COL23A1: variants seen among roughly 807,000 people sequenced by gnomAD.
COL23A1 encodes collagen alpha-1(XXIII) chain.
COL23A1 carries 97 observed loss-of-function variants against 99.3 expected under a neutral mutation model. The ratio of observed to expected loss-of-function variants is 0.98; its 90% CI spans 0.83 to 1.16. The LOEUF (loss-of-function observed/expected upper bound fraction) is 1.16, where lower values mean the gene tolerates loss of function less well. Ranked by LOEUF, COL23A1 falls within the 50% of genes most tolerant of loss-of-function variation. The pLI is 0.00. For synonymous variants in COL23A1, 320 were observed against 308.2 expected (o/e 1.04, Z -0.40); for missense variants, 762 against 757.4 (o/e 1.01, Z -0.07).
chr5:178,246,497 C>T, intron 22 of COL23A1, 44 bp from the exon 23 acceptor site: 1 of 1,541,848 alleles, frequency 6.5e-7, no homozygotes, highest in East Asian at 2.4e-5. Context: ...AGGGGTTAGA[C>T]AGACAGTAGG....
In COL23A1 at chr5:178,384,907, A is replaced by AT. The variant is rs1763588584; in HGVS notation, c.362-77989dup. Among the ~76,000 whole-genome samples the AT allele has an allele frequency of 6.6e-6, 1 of 151,938 alleles. No individual in the cohort carries two copies. Among genetic ancestry groups the AT allele is most frequent in the Non-Finnish European group, 1.5e-5 (1 of 67,960 alleles). On this transcript the variant is annotated intron_variant, in intron 2 of 28. Coordinates refer to ENST00000390654, the MANE Select transcript of COL23A1 (RefSeq NM_173465.4). The surrounding 1 kb of genome is among the most constrained non-coding windows in gnomAD (Gnocchi z 5.5). ...GAGGAAGAGCGCGGTGAGAGGTCAAATGGGTGGCGAGGCTCCCGCTCCTTC... is the reference window on the plus strand; with the variant it reads ...GAGGAAGAGCGCGGTGAGAGGTCAAATTGGGTGGCGAGGCTCCCGCTCCTTC...
At chr5:178,294,735 G>A (rs895334889) in intron 3 of COL23A1, among the ~76,000 whole-genome samples, 12 of 152,194 alleles carry the variant, frequency 7.9e-5, no homozygotes, top group African/African-American at 2.9e-4. Flanking sequence ...CCTGGGAGAG[G>A]GCAGGCTTTT....
chr5:178,523,644 A>G (rs1760144650), intron 2 of COL23A1: 1 of 152,006 alleles, frequency 6.6e-6, no homozygotes, highest in South Asian at 2.1e-4. Flanking sequence ...ATTTCCTTTC[A>G]TTTATTGCTT....
intron 2 of COL23A1, among the ~76,000 whole-genome samples, chr5:178,461,770 C>T (rs1315775208): frequency 2.0e-5 from 3 of 152,140 alleles, no homozygotes; most frequent in South Asian, 2.1e-4. Flanking sequence ...ACATGTTCTC[C>T]GTACATATTG....
At chr5:178,546,655 G>A (rs1761596587) in intron 2 of COL23A1, among the ~76,000 whole-genome samples, 2 of 152,234 alleles carry the variant, frequency 1.3e-5, no homozygotes, top group South Asian at 4.1e-4. Context: ...ACTGGGATGA[G>A]GGAACCAAAT....
At chr5:178,531,245 C>T (rs1022538397) in intron 2 of COL23A1, among the ~76,000 whole-genome samples, 3 of 152,202 alleles carry the variant, frequency 2.0e-5, no homozygotes, top group Admixed American at 6.5e-5. Flanking sequence ...ATGGAAGGGA[C>T]TGTAGAGATA....
At chr5:178,583,418 A>T (rs1305799507) in intron 1 of COL23A1, among the ~76,000 whole-genome samples, 2 of 152,046 alleles carry the variant, frequency 1.3e-5, no homozygotes, top group East Asian at 3.9e-4. Context: ...CACCACTCCA[A>T]ATTGTCCTTT....
At chr5:178,311,752 A>T (rs1758702426) in intron 2 of COL23A1, among the ~76,000 whole-genome samples, 1 of 122,404 alleles carries the variant, frequency 8.2e-6, no homozygotes, top group Non-Finnish European at 1.6e-5. Flanking sequence ...TTTTTTTGAG[A>T]CGGAGTCTCA....
intron 2 of COL23A1, among the ~76,000 whole-genome samples, chr5:178,469,106 C>T (rs556135719): frequency 1.4e-4 from 22 of 152,328 alleles, no homozygotes; most frequent in East Asian, 1.9e-4. Flanking sequence ...AAAGCTGAAC[C>T]GCATCCTGTT....
chr5:178,385,730 G>A (rs1345094615), intron 2 of COL23A1, among the ~76,000 whole-genome samples: 1 of 152,230 alleles, frequency 6.6e-6, no homozygotes, highest in Non-Finnish European at 1.5e-5. Context: ...GCAAACTGAC[G>A]TAGGAAACAC....
At position 178,255,884 on chromosome 5, in the gene COL23A1, G is replaced by A. The variant is rs756017192; in HGVS notation, c.882+469C>T. The A allele has an allele frequency of 1.2e-4, 46 of 384,948 alleles. No homozygotes were observed. Among genetic ancestry groups the A allele is most frequent in the Non-Finnish European group, 1.9e-4 (36 of 187,064 alleles). 23.8% of individuals were successfully genotyped at this position (384,948 alleles called of 1,614,324 possible). On this transcript the variant is annotated intron_variant, in intron 15 of 28. Coordinates refer to ENST00000390654, the MANE Select transcript of COL23A1 (RefSeq NM_173465.4). The surrounding 1 kb of genome is among the most constrained non-coding windows in gnomAD (Gnocchi z 4.2). ...CAGAGCCGAGGCCAGGATCCCGGAC[G>A]TCACCCTAAAGGTAAGGTATGTTGA...
rs1445784340 is a variant in COL23A1 at position 178,307,093 on chromosome 5, C to T, written c.362-174G>A. On this transcript the variant is annotated intron_variant, in intron 2 of 28. Transcript: ENST00000390654. This position sits in a 1 kb window ranked among gnomAD's most constrained non-coding sequence, Gnocchi z 4.2. ...ATGCGTGGGGAGAAACCCCTTCCTT[C>T]TGCCACTACCTCGCCTGTTCCGCCA... Among the ~76,000 whole-genome samples the T allele has an allele frequency of 2.6e-5, 4 of 152,138 alleles. No homozygotes were observed. The highest frequency in any genetic ancestry group is 2.0e-4 in the Admixed American group (3 of 15,280).
At chr5:178,242,807 C>G (rs1764479469) in intron 25 of COL23A1, among the ~76,000 whole-genome samples, 1 of 152,198 alleles carries the variant, frequency 6.6e-6, no homozygotes, top group South Asian at 2.1e-4. Flanking sequence ...CCTGCACACC[C>G]ATCTGTCCAT....
Position 178,448,093 on chromosome 5 carries a change from C to T in COL23A1, c.361+112589G>A, listed in dbSNP as rs532937156. Among the ~76,000 whole-genome samples the T allele has an allele frequency of 7.2e-5, 11 of 152,268 alleles. No homozygotes were observed. In the East Asian group the frequency reaches 9.7e-4, roughly 13 times the overall value. ...GTCATGAGGGCTCTCCCCTCGTGAA[C>T]GGGATTAGTGCTAGTCACAGTCCGT... On this transcript the variant is annotated intron_variant, in intron 2 of 28. Coordinates refer to ENST00000390654, the MANE Select transcript of COL23A1 (RefSeq NM_173465.4).
intron 2 of COL23A1, among the ~76,000 whole-genome samples, chr5:178,552,112 C>T (rs474772): frequency 0.8 from 121,349 of 152,002 alleles, 48,703 homozygotes; most frequent in Admixed American, 0.86. Context: ...CCTCCTGACC[C>T]GAAGTGATCT....
intron 2 of COL23A1, among the ~76,000 whole-genome samples, chr5:178,370,139 G>T (rs1036034870): frequency 6.6e-6 from 1 of 152,204 alleles, no homozygotes; most frequent in African/African-American, 2.4e-5. Flanking sequence ...TGTCACTTAT[G>T]CATGACCCTC....
At chr5:178,411,726 G>A (rs764282885) in intron 2 of COL23A1, among the ~76,000 whole-genome samples, 2 of 152,156 alleles carry the variant, frequency 1.3e-5, no homozygotes, top group Non-Finnish European at 2.9e-5. Context: ...GTTGCACAAC[G>A]CTGTGAATTT....
At chr5:178,298,352 C>T (rs1283329694) in intron 3 of COL23A1, among the ~76,000 whole-genome samples, 1 of 152,162 alleles carries the variant, frequency 6.6e-6, no homozygotes, top group African/African-American at 2.4e-5. Flanking sequence ...TCTTGAGAGT[C>T]CCCGATGCCC....
Position 178,468,484 on chromosome 5 carries a change from G to A in COL23A1, c.361+92198C>T, listed in dbSNP as rs1581446107. Reference sequence around the variant, plus strand: ...GCTAGACACTGCCTGCAGGGCACGAGATGATTATTTCGTTTCATCCTCACC... The same window carrying A: ...GCTAGACACTGCCTGCAGGGCACGAAATGATTATTTCGTTTCATCCTCACC... On this transcript the variant is annotated intron_variant, in intron 2 of 28. Transcript: ENST00000390654. This position sits in a 1 kb window ranked among gnomAD's most constrained non-coding sequence, Gnocchi z 4.2. Among the ~76,000 whole-genome samples, 2 of 152,176 alleles carry A rather than the reference G, an allele frequency of 1.3e-5. No individual in the cohort carries two copies. Among genetic ancestry groups the A allele is most frequent in the Admixed American group, 1.3e-4 (2 of 15,292 alleles).
Sources: allele counts gnomAD v4.1 joint callset (sites outside exome capture counted in the v4.1 genomes callset), GRCh38; gene constraint gnomAD v4.1.1; non-coding constraint Gnocchi (gnomAD v3.1); transcripts MANE v1.5; gene names NCBI Gene and HGNC (gene_info 2026-07-23, HGNC 2026-07-21).